Variants in IFT57 observed in about 807,000 individuals in gnomAD.
The protein encoded by IFT57 is intraflagellar transport 57.
Under a neutral mutation model 56.8 loss-of-function variants are expected in IFT57, and 59 were observed. That is an observed-to-expected ratio of 1.04 (90% confidence interval 0.84 to 1.29). The LOEUF (loss-of-function observed/expected upper bound fraction) is 1.29. Ranked by LOEUF, IFT57 falls within the 50% of genes most tolerant of loss-of-function variation. IFT57 has a pLI of 0.00. For missense variants in IFT57, 470 were observed against 522.1 expected (o/e 0.90, Z 0.97); for synonymous variants, 209 against 186.1 (o/e 1.12, Z -1.00).
At chr3:108,190,985 G>T (rs1271727858) in intron 6 of IFT57, among the ~76,000 whole-genome samples, 2 of 152,070 alleles carry the variant, frequency 1.3e-5, no homozygotes, top group Admixed American at 1.3e-4. Flanking sequence ...TAGAGACGGG[G>T]TTTCACTGCA....
At chr3:108,169,582 T>C (rs564760037) in intron 6 of IFT57, among the ~76,000 whole-genome samples, 1 of 152,150 alleles carries the variant, frequency 6.6e-6, no homozygotes, top group South Asian at 2.1e-4. Flanking sequence ...CTGAATGGTA[T>C]TGCCTAGGTT....
intron 5 of IFT57, among the ~76,000 whole-genome samples, chr3:108,194,687 G>C (rs2080234021): frequency 6.6e-6 from 1 of 152,002 alleles, no homozygotes; most frequent in South Asian, 2.1e-4. Context: ...TTAAATCCAT[G>C]CATTTATAGC....
At chr3:108,195,257 C>T (rs929686567) in intron 5 of IFT57, among the ~76,000 whole-genome samples, 7 of 152,060 alleles carry the variant, frequency 4.6e-5, no homozygotes, top group South Asian at 2.1e-4. Context: ...CAGAGAAATG[C>T]GAACCAAAAC....
At chr3:108,212,416 C>T (rs190535103) in intron 4 of IFT57, among the ~76,000 whole-genome samples, 1 of 152,074 alleles carries the variant, frequency 6.6e-6, no homozygotes, top group African/African-American at 2.4e-5. Context: ...ATGTCCCCTC[C>T]TCTGTCTCTG....
chr3:108,219,116 AT>A (rs11422352), intron 2 of IFT57, among the ~76,000 whole-genome samples: 1 of 150,870 alleles, frequency 6.6e-6, no homozygotes, highest in Admixed American at 6.6e-5. Flanking sequence ...GCTTTGTAGG[AT>A]TTTTTTTTAA....
At chr3:108,163,772 A>G (rs2080046769) in intron 9 of IFT57, 43 bp from the exon 10 acceptor site, 2 of 1,256,846 alleles carry the variant, frequency 1.6e-6, no homozygotes, top group Non-Finnish European at 1.2e-6. Flanking sequence ...ATTTTAATAA[A>G]CTTTCACAAT....
At chr3:108,180,479 A>G (rs1332176515) in intron 6 of IFT57, among the ~76,000 whole-genome samples, 4 of 151,998 alleles carry the variant, frequency 2.6e-5, no homozygotes, top group African/African-American at 7.2e-5. Context: ...GGTGACCCCA[A>G]TAGTACTCCC....
In IFT57 at chr3:108,192,404, GC is replaced by G. The variant is rs1183077558; in HGVS notation, c.655-762del. On this transcript the variant is annotated intron_variant, in intron 5 of 10. Coordinates refer to ENST00000264538, the MANE Select transcript of IFT57 (RefSeq NM_018010.4). ...CAATTAGGGAGGGGGCCAAATTTCT[GC>G]ATTTGCTTTCTGCATTGGAATAATA... Among the ~76,000 whole-genome samples, 4 of 151,956 alleles carry G rather than the reference GC, an allele frequency of 2.6e-5. No individual in the cohort carries two copies. In the East Asian group the frequency reaches 7.7e-4, roughly 29 times the overall value.
At chr3:108,218,320 G>T (rs2080384720) in intron 3 of IFT57, 1 of 327,974 alleles carries the variant, frequency 3.0e-6, no homozygotes, top group South Asian at 9.9e-5. Context: ...CAGGAAAACG[G>T]CATAATAATA....
chr3:108,217,994 C>A (rs1422768575), intron 3 of IFT57, among the ~76,000 whole-genome samples: 1 of 107,112 alleles, frequency 9.3e-6, no homozygotes, highest in South Asian at 3.1e-4. Context: ...CAATTTTATA[C>A]CATAGGATAA....
At chr3:108,162,820 C>G (rs2080041334) in intron 10 of IFT57, among the ~76,000 whole-genome samples, 165 bp from the exon 11 acceptor site, 2 of 152,106 alleles carry the variant, frequency 1.3e-5, no homozygotes, top group South Asian at 2.1e-4. Context: ...ATTTTAAGCA[C>G]CTGAGATTTT....
chr3:108,213,885 G>A (rs937583547), intron 4 of IFT57, 46 bp downstream of exon 4: 5 of 1,101,648 alleles, frequency 4.5e-6, no homozygotes, highest in Non-Finnish European at 6.9e-6. Context: ...AGAATGGGAA[G>A]TGGCCGAAAG....
At position 108,191,658 on chromosome 3, in the gene IFT57, A is replaced by G; in HGVS notation, c.655-15T>C. 2 of 1,590,368 alleles carry G rather than the reference A, an allele frequency of 1.3e-6. No individual in the cohort carries two copies. The highest frequency in any genetic ancestry group is 1.7e-6 in the Non-Finnish European group (2 of 1,167,462). On this transcript the variant is annotated splice_polypyrimidine_tract_variant and intron_variant, in intron 5 of 10. Coordinates refer to ENST00000264538, the MANE Select transcript of IFT57 (RefSeq NM_018010.4). Reference sequence around the variant, plus strand: ...TCGTTCATATCCTAAGAAAGGAAAGATATCACAAGATTGAGAGTTTATAAA... The same window carrying G: ...TCGTTCATATCCTAAGAAAGGAAAGGTATCACAAGATTGAGAGTTTATAAA...
intron 6 of IFT57, among the ~76,000 whole-genome samples, chr3:108,182,590 A>G (rs2080157165): frequency 1.3e-5 from 2 of 152,126 alleles, no homozygotes; most frequent in East Asian, 3.9e-4. Context: ...CAGTTTATTT[A>G]TGTTAAACCA....
chr3:108,196,470 T>C (rs1169949555), intron 5 of IFT57, among the ~76,000 whole-genome samples: 1 of 152,222 alleles, frequency 6.6e-6, no homozygotes, highest in Non-Finnish European at 1.5e-5. Context: ...CCATTTGAAC[T>C]AGACCTAGAA....
chr3:108,182,605 C>T (rs970467891), intron 6 of IFT57, among the ~76,000 whole-genome samples: 1 of 152,066 alleles, frequency 6.6e-6, no homozygotes. Context: ...AAACCAAAAT[C>T]CAATGGCTTG....
chr3:108,208,848 A>G (rs1250429538), intron 4 of IFT57, among the ~76,000 whole-genome samples: 1 of 152,208 alleles, frequency 6.6e-6, no homozygotes, highest in Non-Finnish European at 1.5e-5. Flanking sequence ...ACACTGGACT[A>G]CTCCAAAATG....
intron 5 of IFT57, among the ~76,000 whole-genome samples, chr3:108,203,887 G>T (rs9864340): frequency 0.096 from 14,622 of 152,108 alleles, 761 homozygotes; most frequent in Middle Eastern, 0.12. Flanking sequence ...GAGAAAATGC[G>T]GCAATCCACA....
intron 8 of IFT57, 131 bp downstream of exon 8, chr3:108,166,723 A>G: frequency 2.8e-6 from 2 of 712,108 alleles, no homozygotes; most frequent in Non-Finnish European, 4.3e-6. Flanking sequence ...GGCTTCCTAA[A>G]GTGGGCAGAA....
Sources: allele counts gnomAD v4.1 joint callset (sites outside exome capture counted in the v4.1 genomes callset), GRCh38; gene constraint gnomAD v4.1.1; transcripts MANE v1.5; gene names NCBI Gene and HGNC (gene_info 2026-07-23, HGNC 2026-07-21).